Variants in MICU1 observed in about 807,000 individuals in gnomAD.
MICU1 encodes calcium uptake protein 1, mitochondrial.
MICU1 carries 45 observed loss-of-function variants against 56.8 expected under a neutral mutation model. That is an observed-to-expected ratio of 0.79 (90% CI 0.62 to 1.02). MICU1 has a LOEUF of 1.02. Among genes scored for constraint, MICU1 ranks in the 50% least tolerant of loss-of-function variants. The probability of loss-of-function intolerance (pLI) is 0.00; values close to 1 mark genes in which losing one functional copy is unlikely to be tolerated. For missense variants in MICU1, 504 were observed against 587.1 expected (o/e 0.86, Z 1.46); for synonymous variants, 186 against 195.1 (o/e 0.95, Z 0.39).
At chr10:72,527,365 T>C (rs1589310080) in intron 5 of MICU1, among the ~76,000 whole-genome samples, 2 of 150,840 alleles carry the variant, frequency 1.3e-5, no homozygotes, top group Admixed American at 6.6e-5. Context: ...TCTTTTGTTT[T>C]TGTTTTGTTT....
intron 11 of MICU1, among the ~76,000 whole-genome samples, chr10:72,374,883 C>A (rs1862466892): frequency 7.9e-6 from 1 of 126,506 alleles, no homozygotes; most frequent in Non-Finnish European, 1.6e-5. Flanking sequence ...GTGGCACGAT[C>A]TCTGCTCCCT....
At chr10:72,472,811 T>A (rs899050028) in intron 8 of MICU1, among the ~76,000 whole-genome samples, 1 of 152,116 alleles carries the variant, frequency 6.6e-6, no homozygotes, top group African/African-American at 2.4e-5. Context: ...CACAAAAACA[T>A]CAGCATGGCT....
chr10:72,455,419 C>G (rs965892494), intron 8 of MICU1, among the ~76,000 whole-genome samples: 1 of 150,696 alleles, frequency 6.6e-6, no homozygotes, highest in African/African-American at 2.4e-5. Flanking sequence ...CTTCAGACAC[C>G]CAGAGGGCTC....
At chr10:72,620,270 C>T (rs979661696) in intron 1 of MICU1, among the ~76,000 whole-genome samples, 8 of 152,070 alleles carry the variant, frequency 5.3e-5, no homozygotes, top group African/African-American at 1.7e-4. Flanking sequence ...CTGCAACCTC[C>T]GCCTCCCGGG....
At chr10:72,378,244 C>G (rs1000691980) in intron 10 of MICU1, among the ~76,000 whole-genome samples, 1 of 152,188 alleles carries the variant, frequency 6.6e-6, no homozygotes, top group Non-Finnish European at 1.5e-5. Flanking sequence ...CAGAGCGGGA[C>G]TCTGTCTCAC....
chr10:72,443,629 T>A (rs910165289), intron 8 of MICU1, among the ~76,000 whole-genome samples: 6 of 152,236 alleles, frequency 3.9e-5, no homozygotes, highest in Non-Finnish European at 7.3e-5. Flanking sequence ...AAATAGGGAA[T>A]CCTTTCCCCA....
At chr10:72,533,446 TG>T (rs894062394) in intron 5 of MICU1, among the ~76,000 whole-genome samples, 1 of 152,148 alleles carries the variant, frequency 6.6e-6, no homozygotes, top group Non-Finnish European at 1.5e-5. Context: ...AATACAGTAT[TG>T]GGGGGCTTAT....
chr10:72,525,520 T>C (rs1867937245), intron 5 of MICU1, among the ~76,000 whole-genome samples: 1 of 152,188 alleles, frequency 6.6e-6, no homozygotes, highest in Non-Finnish European at 1.5e-5. Flanking sequence ...TCTCTTTAGT[T>C]AATGGACTCG....
chr10:72,597,028 G>C (rs187688709), intron 1 of MICU1, among the ~76,000 whole-genome samples: 25 of 152,150 alleles, frequency 1.6e-4, no homozygotes, highest in African/African-American at 5.3e-4. Flanking sequence ...GGAAATTGGG[G>C]GGCGAGATGA....
At chr10:72,597,894 T>C (rs1841422473) in intron 1 of MICU1, among the ~76,000 whole-genome samples, 1 of 152,194 alleles carries the variant, frequency 6.6e-6, no homozygotes, top group African/African-American at 2.4e-5. Context: ...AGGTGTGGCA[T>C]TTTCCACTTG....
At chr10:72,559,423 C>A (rs1006827743) in intron 3 of MICU1, among the ~76,000 whole-genome samples, 11 of 151,332 alleles carry the variant, frequency 7.3e-5, no homozygotes, top group Non-Finnish European at 1.6e-4. Flanking sequence ...TTATAAACTA[C>A]AGACTATATA....
intron 10 of MICU1, among the ~76,000 whole-genome samples, chr10:72,376,506 A>T (rs1862527074): frequency 6.6e-6 from 1 of 151,896 alleles, no homozygotes; most frequent in African/African-American, 2.4e-5. Context: ...TTAGCCCGGC[A>T]TGGTGGTGTG....
At chr10:72,567,021 C>T (rs1840457458) in intron 1 of MICU1, among the ~76,000 whole-genome samples, 1 of 152,074 alleles carries the variant, frequency 6.6e-6, no homozygotes, top group Non-Finnish European at 1.5e-5. Context: ...AAGACAGAAA[C>T]CACATGATAA....
chr10:72,443,686 C>A (rs933071173), intron 8 of MICU1, among the ~76,000 whole-genome samples: 1 of 152,118 alleles, frequency 6.6e-6, no homozygotes, highest in South Asian at 2.1e-4. Context: ...CATCTCACAC[C>A]AGTTAGAATG....
At chr10:72,421,297 C>G (rs1400097736) in intron 9 of MICU1, among the ~76,000 whole-genome samples, 1 of 151,386 alleles carries the variant, frequency 6.6e-6, no homozygotes, top group Non-Finnish European at 1.5e-5. Context: ...GTTCTTTCTC[C>G]CACGCTGGAG....
intron 8 of MICU1, among the ~76,000 whole-genome samples, chr10:72,430,087 C>T (rs1247316369): frequency 6.6e-6 from 1 of 151,628 alleles, no homozygotes; most frequent in East Asian, 1.9e-4. Flanking sequence ...ATGACTTACA[C>T]TTTTCATACT....
chr10:72,549,276 C>T (rs1839973593), intron 4 of MICU1, among the ~76,000 whole-genome samples: 1 of 150,716 alleles, frequency 6.6e-6, no homozygotes, highest in African/African-American at 2.4e-5. Context: ...CTGTAACATC[C>T]ACCTCCCAGG....
rs994501597 is a variant in MICU1, at chr10:72,603,953, T to G, written c.-2+22057A>C. On this transcript the variant is annotated intron_variant, in intron 1 of 11. Transcript: ENST00000361114. ...CTGATTGGCAATTGGTTGAAAGAGTTAAGTTCTGTGGCAGAAATTCAACAC... is the reference window on the plus strand; with the variant it reads ...CTGATTGGCAATTGGTTGAAAGAGTGAAGTTCTGTGGCAGAAATTCAACAC... Among the ~76,000 whole-genome samples, 5 of 152,328 alleles carry G rather than the reference T, an allele frequency of 3.3e-5. No homozygotes were observed. In the East Asian group the frequency reaches 9.6e-4, roughly 29 times the overall value.
chr10:72,406,264 A>T (rs1435568151), intron 10 of MICU1, among the ~76,000 whole-genome samples: 3 of 152,162 alleles, frequency 2.0e-5, no homozygotes, highest in African/African-American at 4.8e-5. Flanking sequence ...TTAAGCACAA[A>T]TTTTAAAAAT....
Sources: gnomAD v4.1 joint callset for allele counts (sites outside exome capture counted in the v4.1 genomes callset) on GRCh38, gnomAD v4.1.1 for gene constraint, MANE v1.5 for transcripts, NCBI Gene and HGNC (gene_info 2026-07-23, HGNC 2026-07-21) for gene names.